Variants in NRCAM observed in about 807,000 individuals in gnomAD.
NRCAM encodes the protein neuronal cell adhesion molecule, also known as NgCAM-related cell adhesion molecule.
A neutral mutation model predicts 156.5 loss-of-function variants in NRCAM; 83 were observed. The observed-to-expected ratio is 0.53, with a 90% CI of 0.44 to 0.64. The LOEUF is 0.64. NRCAM is among the 30% of genes least tolerant of loss of function. The probability of loss-of-function intolerance (pLI) is 0.00; values close to 1 mark genes in which losing one functional copy is unlikely to be tolerated. For missense variants in NRCAM, 1,417 were observed against 1,597.3 expected (o/e 0.89, Z 1.92); for synonymous variants, 538 against 563.9 (o/e 0.95, Z 0.65).
chr7:108,324,877 C>CT lies in NRCAM; in HGVS notation c.-173-12147dup, dbSNP rs60553976. Among the ~76,000 whole-genome samples, 359 of 82,650 alleles carry CT rather than the reference C, an allele frequency of 4.3e-3. 19 individuals are homozygous for CT. The highest frequency in any genetic ancestry group is 0.013 in the African/African-American group (254 of 19,542). The allele number at this position is 82,650 out of a possible 152,430, so 54.2% of individuals were successfully genotyped here. A position where few individuals can be genotyped will look rare whatever the true frequency, so the allele number is the denominator to read the frequency against. On this transcript the variant is annotated intron_variant, in intron 2 of 32. Transcript: ENST00000379028. ...TGTTTGTGTAATATTTGGCACTGTACTTTTTTTTTTTTTTTTTTTTTTTTT... is the reference window on the plus strand; with the variant it reads ...TGTTTGTGTAATATTTGGCACTGTACTTTTTTTTTTTTTTTTTTTTTTTTTT...
intron 3 of NRCAM, among the ~76,000 whole-genome samples, chr7:108,248,633 G>A (rs984585890): frequency 5.9e-5 from 9 of 152,098 alleles, no homozygotes; most frequent in African/African-American, 1.2e-4. Flanking sequence ...GCTGACAGAG[G>A]TGCCACCATT....
intron 3 of NRCAM, among the ~76,000 whole-genome samples, chr7:108,273,433 C>T (rs1436218091): frequency 5.9e-5 from 9 of 152,120 alleles, no homozygotes; most frequent in South Asian, 2.1e-4. Flanking sequence ...TTTTAATGAT[C>T]GCCCTTCTAA....
intron 3 of NRCAM, among the ~76,000 whole-genome samples, chr7:108,257,690 A>G (rs2096737321): frequency 6.6e-6 from 1 of 152,218 alleles, no homozygotes. Flanking sequence ...CATCATCTGC[A>G]AATCAATTTC....
chr7:108,295,252 C>T (rs1281812523), intron 3 of NRCAM, among the ~76,000 whole-genome samples: 2 of 152,178 alleles, frequency 1.3e-5, no homozygotes, highest in Non-Finnish European at 2.9e-5. Context: ...AACTTTTTTA[C>T]ACCTCTCTAA....
At chr7:108,226,060 T>C (rs938804827) in intron 9 of NRCAM, 148 bp downstream of exon 9, 11 of 626,684 alleles carry the variant, frequency 1.8e-5, no homozygotes, top group East Asian at 2.7e-5. Context: ...CTTTATAACA[T>C]ATATGCCAAC....
chr7:108,285,134 T>A (rs1371871400), intron 3 of NRCAM, among the ~76,000 whole-genome samples: 1 of 152,214 alleles, frequency 6.6e-6, no homozygotes, highest in Non-Finnish European at 1.5e-5. Flanking sequence ...GAGCTCTAAG[T>A]CCACCCAATG....
intron 20 of NRCAM, among the ~76,000 whole-genome samples, chr7:108,185,547 C>A (rs1391733864): frequency 6.6e-6 from 1 of 151,954 alleles, no homozygotes; most frequent in Non-Finnish European, 1.5e-5. Flanking sequence ...GGCAACCTAG[C>A]AAAACCCCGT....
intron 11 of NRCAM, among the ~76,000 whole-genome samples, chr7:108,214,953 G>A (rs1020787656): frequency 6.6e-6 from 1 of 152,154 alleles, no homozygotes; most frequent in Non-Finnish European, 1.5e-5. Flanking sequence ...ATTGCAGTGT[G>A]GTCTGACAGA....
intron 2 of NRCAM, among the ~76,000 whole-genome samples, chr7:108,349,976 C>G (rs922692541): frequency 6.6e-6 from 1 of 152,208 alleles, no homozygotes; most frequent in African/African-American, 2.4e-5. Context: ...CATTCCCTAC[C>G]TTTCCTCACA....
chr7:108,198,213 A>C, intron 13 of NRCAM, 114 bp from the exon 14 acceptor site: 1 of 724,260 alleles, frequency 1.4e-6, no homozygotes, highest in African/African-American at 1.8e-5. Flanking sequence ...ATGCAGTAAG[A>C]ATAAGACTAG....
Position 108,278,609 on chromosome 7 carries a change from G to A in NRCAM, c.-107+34056C>T, listed in dbSNP as rs555551877. On this transcript the variant is annotated intron_variant, in intron 3 of 32. Coordinates refer to ENST00000379028, the MANE Select transcript of NRCAM (RefSeq NM_001037132.4). ...GGTCTGCTGGTTGTGAAGACCATAGGAAAAGCACAGTATTTGGGCAGGAGC... is the reference window on the plus strand; with the variant it reads ...GGTCTGCTGGTTGTGAAGACCATAGAAAAAGCACAGTATTTGGGCAGGAGC... Among the ~76,000 whole-genome samples, 17 of 152,310 alleles carry A rather than the reference G, an allele frequency of 1.1e-4. No individual in the cohort carries two copies. In the South Asian group the frequency reaches 3.5e-3, roughly 32 times the overall value.
At chr7:108,188,883 T>C (rs1240675054) in intron 20 of NRCAM, among the ~76,000 whole-genome samples, 1 of 108,014 alleles carries the variant, frequency 9.3e-6, no homozygotes, top group African/African-American at 3.0e-5. Context: ...TCATCTTAGG[T>C]AGTCATCAGA....
rs139570469 is a variant in NRCAM at position 108,312,495 on chromosome 7, T to C, written c.-107+170A>G. On this transcript the variant is annotated intron_variant, in intron 3 of 32. Transcript: ENST00000379028. ...TGTATTTGATCTATCTTCTTTGACA[T>C]TGGTATGATTAATGTTTTTGCATCT... Among the ~76,000 whole-genome samples, 4 of 152,314 alleles carry C rather than the reference T, an allele frequency of 2.6e-5. No individual in the cohort carries two copies. In the East Asian group the frequency reaches 7.7e-4, roughly 29 times the overall value.
At chr7:108,268,996 T>C (rs1409622470) in intron 3 of NRCAM, among the ~76,000 whole-genome samples, 4 of 152,100 alleles carry the variant, frequency 2.6e-5, no homozygotes, top group African/African-American at 9.7e-5. Context: ...TGAGGCACAG[T>C]ATATGCAGGT....
chr7:108,271,469 G>A (rs1336894324), intron 3 of NRCAM, among the ~76,000 whole-genome samples: 3 of 152,002 alleles, frequency 2.0e-5, no homozygotes, highest in South Asian at 2.1e-4. Flanking sequence ...AGGCTAACGC[G>A]GGCAGATCAC....
At chr7:108,168,553 T>C (rs1027344528) in intron 28 of NRCAM, among the ~76,000 whole-genome samples, 151 bp from the exon 29 acceptor site, 7 of 152,246 alleles carry the variant, frequency 4.6e-5, no homozygotes, top group African/African-American at 1.7e-4. Flanking sequence ...TTTGCTTTCA[T>C]TACAGAAAGG....
intron 6 of NRCAM, 49 bp from the exon 7 acceptor site, chr7:108,232,571 G>T (rs1161677177): frequency 2.2e-6 from 3 of 1,340,034 alleles, no homozygotes; most frequent in Non-Finnish European, 3.0e-6. Context: ...AGAAAAATGG[G>T]ATTACCTTAA....
chr7:108,179,706 A>G (rs946195281), intron 25 of NRCAM, among the ~76,000 whole-genome samples: 3 of 152,006 alleles, frequency 2.0e-5, no homozygotes, highest in African/African-American at 7.3e-5. Flanking sequence ...CCTCTTCCCA[A>G]TCCACTTGGT....
chr7:108,358,825 A>G (rs932313265), intron 2 of NRCAM, among the ~76,000 whole-genome samples: 1 of 152,216 alleles, frequency 6.6e-6, no homozygotes, highest in African/African-American at 2.4e-5. Flanking sequence ...CCTGAGGCCA[A>G]AGTCTAAAGG....
Sources: allele counts gnomAD v4.1 joint callset (sites outside exome capture counted in the v4.1 genomes callset), GRCh38; gene constraint gnomAD v4.1.1; transcripts MANE v1.5; gene names NCBI Gene and HGNC (gene_info 2026-07-23, HGNC 2026-07-21).